Variants in S100Z observed in about 807,000 individuals in gnomAD.
The protein encoded by S100Z is protein S100-Z.
S100Z carries 11 observed loss-of-function variants against 8.5 expected under a neutral mutation model. The ratio of observed to expected loss-of-function variants is 1.30; its 90% CI spans 0.82 to 2.15. The LOEUF is 2.15. S100Z is among the 30% of genes most tolerant of loss of function. The pLI is 0.00. For missense variants in S100Z, 126 were observed against 117.9 expected, an observed-to-expected ratio of 1.07 and a Z score of -0.32; for synonymous variants, 34 against 43.8, an observed-to-expected ratio of 0.78 and a Z score of 0.89.
downstream of S100Z, among the ~76,000 whole-genome samples, chr5:76,923,129 C>G (rs1414146911): frequency 6.6e-6 from 1 of 151,910 alleles, no homozygotes; most frequent in African/African-American, 2.4e-5. Flanking sequence ...ATGACTATCT[C>G]AAAACATCTC....
chr5:76,917,123 CAAA>C (rs35232494), intron 4 of S100Z, among the ~76,000 whole-genome samples: 332 of 81,286 alleles, frequency 4.1e-3, no homozygotes, highest in African/African-American at 0.014. Context: ...GAGACTGTCT[CAAA>C]AAAAAAAAAA....
intron 4 of S100Z, among the ~76,000 whole-genome samples, chr5:76,918,248 C>T (rs1400956342): frequency 6.6e-6 from 1 of 152,074 alleles, no homozygotes; most frequent in Non-Finnish European, 1.5e-5. Flanking sequence ...GCTCTGTCAC[C>T]CAGGCTTGAG....
chr5:76,910,247 C>A (rs1007516710), intron 4 of S100Z, among the ~76,000 whole-genome samples: 1 of 152,126 alleles, frequency 6.6e-6, no homozygotes, highest in Non-Finnish European at 1.5e-5. Context: ...AGAGGGTCAA[C>A]TGATTCTAAA....
intron 4 of S100Z, among the ~76,000 whole-genome samples, chr5:76,904,693 C>T (rs1019234205): frequency 1.3e-5 from 2 of 151,830 alleles, no homozygotes; most frequent in Admixed American, 6.6e-5. Flanking sequence ...TGTATACCAC[C>T]ATGCCTGGCT....
downstream of S100Z, among the ~76,000 whole-genome samples, chr5:76,923,710 A>G (rs1745086234): frequency 6.6e-6 from 1 of 152,212 alleles, no homozygotes; most frequent in East Asian, 1.9e-4. Context: ...ATCATGGGCA[A>G]ACCGTTTTTA....
In S100Z at chr5:76,890,093, G is replaced by A. The variant is rs544779386; in HGVS notation, c.*2+12259G>A. ...GGCTGGAGTGCAGTGGCACAATCTCGGCTCACTGCAACCTCTGCCTCCCAG... is the reference window on the plus strand; with the variant it reads ...GGCTGGAGTGCAGTGGCACAATCTCAGCTCACTGCAACCTCTGCCTCCCAG... On this transcript the variant is annotated intron_variant, in intron 4 of 4. Transcript: ENST00000317593. Among the ~76,000 whole-genome samples, 30 of 152,216 alleles carry A rather than the reference G, an allele frequency of 2.0e-4. 1 individual carries two copies. In the Middle Eastern group the frequency reaches 0.014, roughly 69 times the overall value.
intron 4 of S100Z, among the ~76,000 whole-genome samples, chr5:76,899,932 G>T (rs555231138): frequency 6.6e-6 from 1 of 152,260 alleles, no homozygotes; most frequent in Admixed American, 6.5e-5. Context: ...GATAGGTCTG[G>T]TATTAATGAA....
rs1162887426 is a variant in S100Z, at chr5:76,921,124, A to G, written c.*410A>G. On this transcript the variant is annotated 3_prime_UTR_variant, in exon 5 of 5. Transcript: ENST00000317593. ...TAACTTCTTCATTCGAATTTTCCCT[A>G]GGTCCATGTATCTATATATCTATGG... The G allele has an allele frequency of 2.0e-5, 3 of 152,230 alleles. No homozygotes were observed. The highest frequency in any genetic ancestry group is 7.2e-5 in the African/African-American group (3 of 41,466). 9.4% of individuals were successfully genotyped at this position (152,230 alleles called of 1,614,324 possible). A position where few individuals can be genotyped will look rare whatever the true frequency, so the allele number is the denominator to read the frequency against.
At chr5:76,869,161 T>G (rs541900468) in intron 1 of S100Z, among the ~76,000 whole-genome samples, 2 of 152,294 alleles carry the variant, frequency 1.3e-5, no homozygotes, top group African/African-American at 4.8e-5. Context: ...TGCTAAATGC[T>G]GTGGAATGCA....
chr5:76,879,992 C>T lies in S100Z; in HGVS notation c.*2+2158C>T, dbSNP rs143649206. ...CACCTGGGTGCAGGTGGGCTGAGTCCGAAAAGAGAGTCAGCAAAGGGTGGC... is the reference window on the plus strand; with the variant it reads ...CACCTGGGTGCAGGTGGGCTGAGTCTGAAAAGAGAGTCAGCAAAGGGTGGC... On this transcript the variant is annotated intron_variant, in intron 4 of 4. Transcript: ENST00000317593. 4.9e-3 allele frequency among the ~76,000 whole-genome samples: 749 copies of T among 152,118 alleles called. 5 individuals are homozygous for T. The highest frequency in any genetic ancestry group is 0.017 in the African/African-American group (707 of 41,476).
chr5:76,924,341 G>A (rs1745098428), downstream of S100Z, among the ~76,000 whole-genome samples: 1 of 152,158 alleles, frequency 6.6e-6, no homozygotes, highest in Non-Finnish European at 1.5e-5. Context: ...GCTTATGTGT[G>A]TTAAATAAAT....
the S100Z span, among the ~76,000 whole-genome samples, chr5:76,935,168 C>T: frequency 2.0e-5 from 3 of 152,138 alleles, no homozygotes; most frequent in Non-Finnish European, 4.4e-5. Context: ...CAATGCACAA[C>T]GTAGCCAAAA....
At chr5:76,872,993 TAAATA>T (rs1300487333) in intron 2 of S100Z, among the ~76,000 whole-genome samples, 7 of 151,942 alleles carry the variant, frequency 4.6e-5, no homozygotes, top group African/African-American at 1.7e-4. Context: ...AATAAATAAA[TAAATA>T]AAATAAATAT....
At chr5:76,877,394 G>T (rs10070865) in intron 3 of S100Z, among the ~76,000 whole-genome samples, 75,562 of 151,970 alleles carry the variant, frequency 0.5, 21,840 homozygotes, top group Non-Finnish European at 0.64. Context: ...GTGATGTCCT[G>T]TAAATGTGTT....
downstream of S100Z, chr5:76,921,710 G>T (rs4254887): frequency 0.63 from 96,004 of 152,106 alleles, 30,607 homozygotes; most frequent in African/African-American, 0.65. Context: ...ATCCTAGGCC[G>T]GGTGCAGTGG....
At chr5:76,855,032 C>T (rs1019616736) in intron 1 of S100Z, among the ~76,000 whole-genome samples, 1 of 152,230 alleles carries the variant, frequency 6.6e-6, no homozygotes, top group Non-Finnish European at 1.5e-5. Context: ...GTGGTTTCCA[C>T]ATGGTGTTAA....
At chr5:76,901,341 G>T (rs1744218840) in intron 4 of S100Z, among the ~76,000 whole-genome samples, 1 of 152,198 alleles carries the variant, frequency 6.6e-6, no homozygotes, top group South Asian at 2.1e-4. Context: ...GCTTCAAGTG[G>T]GTCCAGAAGT....
chr5:76,936,360 T>G, the S100Z span, among the ~76,000 whole-genome samples: 1 of 152,128 alleles, frequency 6.6e-6, no homozygotes, highest in South Asian at 2.1e-4. Context: ...AGCTTATTTT[T>G]ATAAGAAAAA....
Position 76,860,093 on chromosome 5 carries a change from T to C in S100Z, c.-176+9938T>C, listed in dbSNP as rs556361510. ...GCCGGCAATAAAAGTTGACTCTAGA[T>C]GCTGAGGCAGAGAAAGAACTCTGGG... On this transcript the variant is annotated intron_variant, in intron 1 of 4. Coordinates refer to ENST00000317593, the MANE Select transcript of S100Z (RefSeq NM_130772.4). Among the ~76,000 whole-genome samples, 3 of 152,304 alleles carry C rather than the reference T, an allele frequency of 2.0e-5. No homozygotes were observed. In the South Asian group the frequency reaches 6.2e-4, roughly 32 times the overall value.
Sources: gnomAD v4.1 joint callset for allele counts (sites outside exome capture counted in the v4.1 genomes callset) on GRCh38, gnomAD v4.1.1 for gene constraint, MANE v1.5 for transcripts, NCBI Gene and HGNC (gene_info 2026-07-23, HGNC 2026-07-21) for gene names.